The following CSMD1 variants were observed in gnomAD, a reference collection of about 807,000 sequenced individuals.
CSMD1 encodes the protein CUB and Sushi multiple domains 1, also known as CUB and sushi domain-containing protein 1.
Under a neutral mutation model 417.5 loss-of-function variants are expected in CSMD1, and 213 were observed. The observed-to-expected ratio is 0.51, with a 90% CI of 0.46 to 0.57. The LOEUF (loss-of-function observed/expected upper bound fraction) is 0.57. Ranked by LOEUF, CSMD1 falls within the 20% of genes least tolerant of loss-of-function variation. The pLI is 0.00. For synonymous variants in CSMD1, 2,862 were observed against 1,736.8 expected (o/e 1.65, Z -16.11); for missense variants, 6,923 against 4,529.7 (o/e 1.53, Z -15.17).
intron 46 of CSMD1, among the ~76,000 whole-genome samples, chr8:3,103,200 T>C (rs777783376): frequency 1.3e-5 from 2 of 152,164 alleles, no homozygotes; most frequent in Non-Finnish European, 2.9e-5. Flanking sequence ...CTAAAAAACT[T>C]TGTAATTTTG....
In CSMD1 at chr8:3,215,000, T is replaced by C. The variant is rs1475249927; in HGVS notation, c.4673-309A>G. ...TACTACGTTTTTATATATTTATCCA[T>C]TTTTGGCTACAGATTTTAGGACTGA... On this transcript the variant is annotated intron_variant, in intron 29 of 69. Coordinates refer to ENST00000635120, the MANE Select transcript of CSMD1 (RefSeq NM_033225.6). Among the ~76,000 whole-genome samples, 5 of 152,182 alleles carry C rather than the reference T, an allele frequency of 3.3e-5. No homozygotes were observed. In the East Asian group the frequency reaches 9.6e-4, roughly 29 times the overall value.
intron 5 of CSMD1, among the ~76,000 whole-genome samples, chr8:3,883,859 G>C (rs1262409282): frequency 3.9e-5 from 6 of 152,004 alleles, no homozygotes; most frequent in Admixed American, 6.6e-5. Context: ...TGACAGAAAA[G>C]AGGAAAACAA....
At chr8:3,476,920 A>C (rs1817463543) in intron 11 of CSMD1, among the ~76,000 whole-genome samples, 1 of 151,850 alleles carries the variant, frequency 6.6e-6, no homozygotes, top group Admixed American at 6.6e-5. Context: ...CTCAAAAAAA[A>C]AAAAAAAAAA....
intron 1 of CSMD1, among the ~76,000 whole-genome samples, chr8:4,665,771 TTG>T (rs1256010492): frequency 6.6e-6 from 1 of 152,246 alleles, no homozygotes; most frequent in Non-Finnish European, 1.5e-5. Context: ...ATATTAATAT[TTG>T]TGTTTGTTTT....
intron 29 of CSMD1, among the ~76,000 whole-genome samples, 198 bp from the exon 30 acceptor site, chr8:3,214,889 T>C (rs1324835841): frequency 2.0e-5 from 3 of 152,232 alleles, no homozygotes; most frequent in African/African-American, 7.2e-5. Context: ...AAAATTCCTT[T>C]TTAATAAAAT....
chr8:4,500,076 G>GAGA (rs1411236474), intron 2 of CSMD1, among the ~76,000 whole-genome samples: 1 of 8,050 alleles, frequency 1.2e-4, no homozygotes, highest in African/African-American at 3.9e-4. Flanking sequence ...TGTGTCTGAA[G>GAGA]AGAAGTTATA....
chr8:4,615,270 G>A (rs1415086104), intron 2 of CSMD1, among the ~76,000 whole-genome samples: 1 of 152,086 alleles, frequency 6.6e-6, no homozygotes, highest in African/African-American at 2.4e-5. Context: ...AGAGCTTAAG[G>A]CACTATGAAA....
At chr8:4,864,936 C>A (rs923514000) in intron 1 of CSMD1, among the ~76,000 whole-genome samples, 1 of 141,282 alleles carries the variant, frequency 7.1e-6, no homozygotes, top group Non-Finnish European at 1.5e-5. Flanking sequence ...TTCTACAACA[C>A]TGGTATTCTG....
At chr8:4,037,027 G>T (rs1225058262) in intron 3 of CSMD1, among the ~76,000 whole-genome samples, 1 of 151,460 alleles carries the variant, frequency 6.6e-6, no homozygotes, top group African/African-American at 2.4e-5. Context: ...TCCTGTCCAG[G>T]GCTGGTGACC....
At chr8:3,275,835 C>G (rs369171672) in intron 26 of CSMD1, among the ~76,000 whole-genome samples, 1 of 151,430 alleles carries the variant, frequency 6.6e-6, no homozygotes, top group Admixed American at 6.6e-5. Context: ...TTCTTCTAAA[C>G]TTTTTTCATA....
intron 1 of CSMD1, among the ~76,000 whole-genome samples, chr8:4,681,585 C>T (rs188068428): frequency 1.7e-4 from 26 of 152,226 alleles, no homozygotes; most frequent in Non-Finnish European, 1.8e-4. Context: ...GAAAATACGA[C>T]GAGTGGAACT....
chr8:4,824,898 C>T (rs377688736), intron 1 of CSMD1, among the ~76,000 whole-genome samples: 1 of 152,056 alleles, frequency 6.6e-6, no homozygotes, highest in South Asian at 2.1e-4. Context: ...GGGTAATGGG[C>T]TGTTACTGCT....
intron 51 of CSMD1, among the ~76,000 whole-genome samples, chr8:3,020,056 T>G (rs1252886466): frequency 6.6e-6 from 1 of 152,118 alleles, no homozygotes; most frequent in Non-Finnish European, 1.5e-5. Flanking sequence ...TAAAGCACAG[T>G]GAGGAAGAAC....
intron 49 of CSMD1, among the ~76,000 whole-genome samples, chr8:3,056,170 G>C (rs894812148): frequency 6.6e-6 from 1 of 152,160 alleles, no homozygotes; most frequent in African/African-American, 2.4e-5. Context: ...AAGTTGGTAG[G>C]TAGTAAGATG....
At chr8:3,199,099 G>A (rs1316951592) in intron 33 of CSMD1, among the ~76,000 whole-genome samples, 12 of 152,106 alleles carry the variant, frequency 7.9e-5, no homozygotes, top group African/African-American at 2.9e-4. Flanking sequence ...AACAAATTAG[G>A]AGAAAATTCT....
chr8:4,732,787 C>G (rs967406512), intron 1 of CSMD1, among the ~76,000 whole-genome samples: 1 of 152,188 alleles, frequency 6.6e-6, no homozygotes, highest in Admixed American at 6.5e-5. Context: ...TGCCCAAATC[C>G]TCCAGGATTT....
chr8:4,174,385 C>G (rs1048359158), intron 3 of CSMD1, among the ~76,000 whole-genome samples: 2 of 152,028 alleles, frequency 1.3e-5, no homozygotes, highest in African/African-American at 2.4e-5. Context: ...TGCGCAAGGC[C>G]TAATTCCTTT....
intron 6 of CSMD1, among the ~76,000 whole-genome samples, chr8:3,733,820 T>G (rs1796391334): frequency 6.6e-6 from 1 of 152,168 alleles, no homozygotes; most frequent in Admixed American, 6.5e-5. Flanking sequence ...TGTTTTTACT[T>G]TATTATTAGT....
intron 2 of CSMD1, among the ~76,000 whole-genome samples, chr8:4,426,064 G>T (rs766541723): frequency 6.6e-6 from 1 of 150,632 alleles, no homozygotes; most frequent in African/African-American, 2.5e-5. Context: ...AAGAAAACTG[G>T]CCATAAATAA....
Sources: gnomAD v4.1 joint callset for allele counts (sites outside exome capture counted in the v4.1 genomes callset) on GRCh38, gnomAD v4.1.1 for gene constraint, MANE v1.5 for transcripts, NCBI Gene and HGNC (gene_info 2026-07-23, HGNC 2026-07-21) for gene names.